The following SARNP variants were observed in gnomAD, a reference collection of about 807,000 sequenced individuals.
SARNP encodes SAP domain-containing ribonucleoprotein.
In SARNP, 5 loss-of-function variants were observed where a neutral mutation model predicts 38.1. That is an observed-to-expected ratio of 0.13 (90% CI 0.07 to 0.28). The LOEUF (loss-of-function observed/expected upper bound fraction) is 0.28. Among genes scored for constraint, SARNP ranks in the 10% least tolerant of loss-of-function variants. The pLI is 1.00. For synonymous variants in SARNP, 84 were observed against 80.6 expected (o/e 1.04, Z -0.23); for missense variants, 180 against 243.9 (o/e 0.74, Z 1.75).
At chr12:55,809,926 A>G (rs187214273) in intron 1 of SARNP, among the ~76,000 whole-genome samples, 43 of 152,320 alleles carry the variant, frequency 2.8e-4, no homozygotes, top group African/African-American at 1.0e-3. Context: ...AAAGTGTAGG[A>G]AAGAAACTTT....
intron 9 of SARNP, among the ~76,000 whole-genome samples, chr12:55,779,225 T>C (rs1879272441): frequency 6.6e-6 from 1 of 152,142 alleles, no homozygotes; most frequent in Non-Finnish European, 1.5e-5. Context: ...GGAAGAAGGA[T>C]TTTGGGGAAA....
intron 2 of SARNP, among the ~76,000 whole-genome samples, chr12:55,802,380 T>C (rs1880004894): frequency 6.6e-6 from 1 of 151,958 alleles, no homozygotes; most frequent in African/African-American, 2.4e-5. Flanking sequence ...TACTATATCC[T>C]ACAGGTTAAG....
chr12:55,784,936 C>A (rs1879446756), intron 9 of SARNP, among the ~76,000 whole-genome samples: 1 of 152,152 alleles, frequency 6.6e-6, no homozygotes, highest in Non-Finnish European at 1.5e-5. Flanking sequence ...GTGAAGTAGT[C>A]CCTGGAAACC....
In SARNP at chr12:55,789,056, T is replaced by C. The variant is rs1879587796; in HGVS notation, c.501+19A>G. On this transcript the variant is annotated intron_variant, in intron 9 of 10. Transcript: ENST00000336133. ...GCTCTAATGTCACAAAAACATTACT[T>C]CCATCGAGCCTACATTACCTTTCTG... The C allele has an allele frequency of 1.3e-6, 2 of 1,555,848 alleles. No individual in the cohort carries two copies. Among genetic ancestry groups the C allele is most frequent in the South Asian group, 2.3e-5 (2 of 88,004 alleles).
At chr12:55,758,613 C>A (rs531789271) in intron 10 of SARNP, among the ~76,000 whole-genome samples, 52 of 152,168 alleles carry the variant, frequency 3.4e-4, no homozygotes, top group Admixed American at 1.8e-3. Flanking sequence ...CCACTGCACT[C>A]CAGCCTGGAC....
chr12:55,791,612 T>A (rs1019843828), intron 7 of SARNP, among the ~76,000 whole-genome samples: 4 of 152,114 alleles, frequency 2.6e-5, no homozygotes, highest in African/African-American at 9.7e-5. Flanking sequence ...GGAGAATTGC[T>A]TGAACCCAGA....
chr12:55,772,803 C>T (rs914278454), intron 9 of SARNP, among the ~76,000 whole-genome samples: 2 of 151,698 alleles, frequency 1.3e-5, no homozygotes, highest in African/African-American at 4.9e-5. Flanking sequence ...CAACCTTCAC[C>T]TCCCGGGTTC....
chr12:55,772,098 TG>T (rs1879025325), intron 9 of SARNP, among the ~76,000 whole-genome samples: 1 of 151,974 alleles, frequency 6.6e-6, no homozygotes, highest in Non-Finnish European at 1.5e-5. Flanking sequence ...GAACATAGGG[TG>T]GTCCCAAAAA....
At chr12:55,809,419 G>A (rs1490550069) in intron 1 of SARNP, among the ~76,000 whole-genome samples, 1 of 152,030 alleles carries the variant, frequency 6.6e-6, no homozygotes, top group Non-Finnish European at 1.5e-5. Context: ...ACTCCAGCCT[G>A]GGCAACACAG....
chr12:55,773,143 AG>A (rs1345601600), intron 9 of SARNP, among the ~76,000 whole-genome samples: 2 of 152,212 alleles, frequency 1.3e-5, no homozygotes, highest in African/African-American at 4.8e-5. Context: ...TTTCATCTAA[AG>A]TATTTAAAAA....
At chr12:55,794,957 T>TAAA (rs373511418) in intron 5 of SARNP, 77 bp from the exon 6 acceptor site, 87 of 145,422 alleles carry the variant, frequency 6.0e-4, no homozygotes, top group Middle Eastern at 2.7e-3. Flanking sequence ...TAGGTATCTT[T>TAAA]AAAAAAAAAA....
At chr12:55,780,127 G>A (rs897607092) in intron 9 of SARNP, among the ~76,000 whole-genome samples, 28 of 151,392 alleles carry the variant, frequency 1.8e-4, no homozygotes, top group African/African-American at 6.1e-4. Flanking sequence ...CAGCCTGGGC[G>A]ACAGAGCAAG....
At chr12:55,785,241 A>C (rs752290412) in intron 9 of SARNP, among the ~76,000 whole-genome samples, 7 of 152,160 alleles carry the variant, frequency 4.6e-5, no homozygotes, top group African/African-American at 1.2e-4. Flanking sequence ...TAGAGAAGGA[A>C]GCTCACAGCC....
chr12:55,767,848 GAAAAAA>G (rs767928003), intron 9 of SARNP, among the ~76,000 whole-genome samples: 108 of 35,404 alleles, frequency 3.1e-3, no homozygotes, highest in Non-Finnish European at 5.6e-3. Context: ...CTCCCTCTCA[GAAAAAA>G]AAAAAAAAAA....
chr12:55,776,490 T>C (rs1879186221), intron 9 of SARNP, among the ~76,000 whole-genome samples: 1 of 152,212 alleles, frequency 6.6e-6, no homozygotes, highest in Non-Finnish European at 1.5e-5. Flanking sequence ...GCCTACATAC[T>C]TTAAATCATC....
At chr12:55,755,496 C>G (rs546019835), downstream of SARNP, 8 of 152,318 alleles carry the variant, frequency 5.3e-5, no homozygotes, top group Admixed American at 2.6e-4. Context: ...GAATTGGAAT[C>G]AGTTAACCAC....
At chr12:55,800,450 A>C (rs907987093) in intron 4 of SARNP, 112 bp downstream of exon 4, 1 of 756,184 alleles carries the variant, frequency 1.3e-6, no homozygotes, top group African/African-American at 1.8e-5. Flanking sequence ...TGACCTAATC[A>C]GAAAGGAAAA....
Position 55,774,558 on chromosome 12 carries a change from T to TAAAAAAAAAAAAAA in SARNP, c.502-13919_502-13918insTTTTTTTTTTTTTT, listed in dbSNP as rs1565673497. Among the ~76,000 whole-genome samples, 108 of 40,500 alleles carry TAAAAAAAAAAAAAA rather than the reference T, an allele frequency of 2.7e-3. 14 individuals carry two copies. Among genetic ancestry groups the TAAAAAAAAAAAAAA allele is most frequent in the Middle Eastern group, 0.018 (1 of 56 alleles). The allele number at this position is 40,500 out of a possible 152,430, so 26.6% of individuals were successfully genotyped here. ...CGACACGGTGAAACCCCGTCTCTAC[T>TAAAAAAAAAAAAAA]GAAAAAAAAAAAAAAACAAACAAAA... is the stretch of plus-strand genomic sequence containing the variant. On this transcript the variant is annotated intron_variant, in intron 9 of 10. Coordinates refer to ENST00000336133, the MANE Select transcript of SARNP (RefSeq NM_033082.4).
rs1297445877 is a variant in SARNP at position 55,760,538 on chromosome 12, G to T, written c.591+13C>A. 3.3e-6 allele frequency: 5 copies of T among 1,499,032 alleles called. No homozygotes were observed. Among genetic ancestry groups the T allele is most frequent in the Non-Finnish European group, 4.7e-6 (5 of 1,075,036 alleles). The allele number at this position is 1,499,032 out of a possible 1,614,324, so 92.9% of individuals were successfully genotyped here. On this transcript the variant is annotated intron_variant, in intron 10 of 10. Coordinates refer to ENST00000336133, the MANE Select transcript of SARNP (RefSeq NM_033082.4). ...CCTTCAAGGTCTATGAAGCGTTCCAGGTATATTTTTACCTCTGTATCCTCT... is the reference window on the plus strand; with the variant it reads ...CCTTCAAGGTCTATGAAGCGTTCCATGTATATTTTTACCTCTGTATCCTCT...
Sources: allele counts gnomAD v4.1 joint callset (sites outside exome capture counted in the v4.1 genomes callset), GRCh38; gene constraint gnomAD v4.1.1; transcripts MANE v1.5; gene names NCBI Gene and HGNC (gene_info 2026-07-23, HGNC 2026-07-21).